The following KLHL1 variants were observed in gnomAD, a reference collection of about 807,000 sequenced individuals.
KLHL1 encodes the protein kelch-like protein 1.
In KLHL1, 47 loss-of-function variants were observed where a neutral mutation model predicts 77.7. The ratio of observed to expected loss-of-function variants is 0.60; its 90% CI spans 0.48 to 0.77. KLHL1 has a LOEUF of 0.77. Among genes scored for constraint, KLHL1 ranks in the 30% least tolerant of loss-of-function variants. The pLI, the probability that KLHL1 is intolerant of heterozygous loss-of-function variation, is 0.00. For synonymous variants in KLHL1, 360 were observed against 325.2 expected, an observed-to-expected ratio of 1.11 and a Z score of -1.15; for missense variants, 925 against 910.8, an observed-to-expected ratio of 1.02 and a Z score of -0.20.
intron 1 of KLHL1, among the ~76,000 whole-genome samples, chr13:70,022,366 T>C (rs1408018680): frequency 1.3e-5 from 2 of 151,818 alleles, no homozygotes; most frequent in Non-Finnish European, 2.9e-5. Flanking sequence ...TGTTTTCTTT[T>C]TGTCACAACT....
At chr13:70,026,900 AGTTGGGCTATTTTTCTAT>A (rs1307003512) in intron 1 of KLHL1, among the ~76,000 whole-genome samples, 7 of 152,088 alleles carry the variant, frequency 4.6e-5, no homozygotes, top group African/African-American at 1.7e-4. Context: ...AAGATTATGC[AGTTGGGCTATTTTTCTAT>A]GTTTTATCAA....
At chr13:69,725,233 T>G (rs537224977) in intron 8 of KLHL1, among the ~76,000 whole-genome samples, 1 of 152,324 alleles carries the variant, frequency 6.6e-6, no homozygotes, top group South Asian at 2.1e-4. Context: ...TGAAAAACAG[T>G]CACCAGTAAT....
chr13:69,833,764 T>TAC (rs945142302), intron 6 of KLHL1, among the ~76,000 whole-genome samples: 6 of 148,182 alleles, frequency 4.0e-5, no homozygotes, highest in East Asian at 3.9e-4. Flanking sequence ...TATATATATA[T>TAC]ATACATACAT....
chr13:69,798,489 A>G (rs1305557207), intron 6 of KLHL1, among the ~76,000 whole-genome samples: 1 of 152,178 alleles, frequency 6.6e-6, no homozygotes, highest in African/African-American at 2.4e-5. Flanking sequence ...ATTCCAATAT[A>G]TAACTAATTT....
intron 7 of KLHL1, among the ~76,000 whole-genome samples, chr13:69,787,745 T>A (rs1876635316): frequency 6.6e-6 from 1 of 151,970 alleles, no homozygotes; most frequent in Admixed American, 6.6e-5. Flanking sequence ...GGGAGAAAAT[T>A]TTCACAACCT....
chr13:69,903,967 T>C (rs2138231902), intron 4 of KLHL1, among the ~76,000 whole-genome samples: 1 of 152,016 alleles, frequency 6.6e-6, no homozygotes, highest in Admixed American at 6.6e-5. Flanking sequence ...TTTTTTTTTA[T>C]GTTCATTGAA....
chr13:70,032,774 T>C (rs1177641223), intron 1 of KLHL1, among the ~76,000 whole-genome samples: 3 of 152,210 alleles, frequency 2.0e-5, no homozygotes, highest in Non-Finnish European at 4.4e-5. Flanking sequence ...TGATCTGAAT[T>C]CCATGCAAAA....
intron 6 of KLHL1, among the ~76,000 whole-genome samples, chr13:69,826,473 A>C (rs1445189089): frequency 6.6e-6 from 1 of 152,100 alleles, no homozygotes; most frequent in Non-Finnish European, 1.5e-5. Flanking sequence ...CCAGCTACTC[A>C]GGAGTCTGAG....
At chr13:69,826,202 A>G (rs76421386) in intron 6 of KLHL1, among the ~76,000 whole-genome samples, 6,780 of 152,298 alleles carry the variant, frequency 0.045, 206 homozygotes, top group African/African-American at 0.076. Flanking sequence ...ATGTTGGTCA[A>G]GGAACACAAA....
chr13:69,947,056 G>C lies in KLHL1; in HGVS notation c.818-6820C>G. On this transcript the variant is annotated intron_variant, in intron 3 of 10. Transcript: ENST00000377844. ...TGTGTGTGTGTGTGTGTGTGTGTGT[G>C]TGTGTGTGTGTGTGTGTGAAGATCT... 2.7e-5 allele frequency among the ~76,000 whole-genome samples: 4 copies of C among 146,618 alleles called. 1 individual carries two copies. The Middle Eastern group carries it at 0.01, about 379-fold the overall frequency.
chr13:69,702,653 C>A (rs575735780), intron 10 of KLHL1, among the ~76,000 whole-genome samples: 111 of 151,740 alleles, frequency 7.3e-4, no homozygotes, highest in Non-Finnish European at 1.0e-3. Flanking sequence ...AAATTACCTC[C>A]ATTTTCTACC....
intron 7 of KLHL1, among the ~76,000 whole-genome samples, chr13:69,744,589 A>C (rs1874126436): frequency 1.3e-5 from 2 of 151,530 alleles, no homozygotes; most frequent in Admixed American, 1.3e-4. Flanking sequence ...GTATTTTATC[A>C]CAAGAATATC....
chr13:69,922,392 T>A (rs569337762), intron 4 of KLHL1, among the ~76,000 whole-genome samples: 1 of 152,254 alleles, frequency 6.6e-6, no homozygotes, highest in African/African-American at 2.4e-5. Context: ...ATATCTGGTA[T>A]AGTAAAATAG....
chr13:69,996,170 G>T (rs757825557), intron 1 of KLHL1, among the ~76,000 whole-genome samples: 1 of 152,000 alleles, frequency 6.6e-6, no homozygotes, highest in Non-Finnish European at 1.5e-5. Context: ...GCGCATGGTA[G>T]CATGTCCCTA....
At chr13:69,924,312 C>A (rs1181297915) in intron 4 of KLHL1, among the ~76,000 whole-genome samples, 1 of 152,172 alleles carries the variant, frequency 6.6e-6, no homozygotes, top group Non-Finnish European at 1.5e-5. Flanking sequence ...AGAATGGGAA[C>A]TTACTGTGCT....
intron 4 of KLHL1, among the ~76,000 whole-genome samples, chr13:69,927,642 T>C (rs1882858596): frequency 6.6e-6 from 1 of 152,126 alleles, no homozygotes; most frequent in Non-Finnish European, 1.5e-5. Flanking sequence ...GTCCAATAAA[T>C]TCACAAAAAT....
chr13:69,929,031 A>G (rs956612884), intron 4 of KLHL1, among the ~76,000 whole-genome samples: 1 of 152,158 alleles, frequency 6.6e-6, no homozygotes, highest in Non-Finnish European at 1.5e-5. Flanking sequence ...GGGACATAAC[A>G]GTTTTATTAC....
At position 69,701,191 on chromosome 13, in the gene KLHL1, AG is replaced by A. The variant is rs1194057703; in HGVS notation, c.*510del. 1 of 152,212 alleles carries A rather than the reference AG, an allele frequency of 6.6e-6. No individual in the cohort carries two copies. The highest frequency in any genetic ancestry group is 1.5e-5 in the Non-Finnish European group (1 of 67,906). 9.4% of individuals were successfully genotyped at this position (152,212 alleles called of 1,614,324 possible). On this transcript the variant is annotated 3_prime_UTR_variant, in exon 11 of 11. Transcript: ENST00000377844. ...TCATAGCTTAGGAAAATGAGGCAGA[AG>A]CAGGTTTGTTTGAATAAAGCATAAT...
chr13:69,977,142 A>T (rs145439723), intron 1 of KLHL1, among the ~76,000 whole-genome samples: 1 of 152,242 alleles, frequency 6.6e-6, no homozygotes, highest in African/African-American at 2.4e-5. Context: ...CTTATACACA[A>T]TGCCTGGCAT....
Sources: gnomAD v4.1 joint callset for allele counts (sites outside exome capture counted in the v4.1 genomes callset) on GRCh38, gnomAD v4.1.1 for gene constraint, MANE v1.5 for transcripts, NCBI Gene and HGNC (gene_info 2026-07-23, HGNC 2026-07-21) for gene names.